Variants in MYO5C observed in about 807,000 individuals in gnomAD.
MYO5C encodes unconventional myosin-Vc.
MYO5C carries 194 observed loss-of-function variants against 235.7 expected under a neutral mutation model. That is an observed-to-expected ratio of 0.82 (90% confidence interval 0.73 to 0.93). The LOEUF (loss-of-function observed/expected upper bound fraction) is 0.93. Ranked by LOEUF, MYO5C falls within the 40% of genes least tolerant of loss-of-function variation. The probability of loss-of-function intolerance (pLI) is 0.00; values close to 1 mark genes in which losing one functional copy is unlikely to be tolerated. For synonymous variants in MYO5C, 707 were observed against 754.8 expected (o/e 0.94, Z 1.04); for missense variants, 2,038 against 2,127.2 (o/e 0.96, Z 0.82).
chr15:52,224,895 T>C lies in MYO5C; in HGVS notation c.3446+6A>G, dbSNP rs761092903. On this transcript the variant is annotated splice_donor_region_variant and intron_variant, in intron 28 of 40. Coordinates refer to ENST00000261839, the MANE Select transcript of MYO5C (RefSeq NM_018728.4). ...ATAAAGAAGATCCCTGAGGAGAATTTCTAACCGTGTTGCTTTCTTTAGTCC... is the reference window on the plus strand; with the variant it reads ...ATAAAGAAGATCCCTGAGGAGAATTCCTAACCGTGTTGCTTTCTTTAGTCC... 1.2e-6 allele frequency: 2 copies of C among 1,609,832 alleles called. No homozygotes were observed. Among genetic ancestry groups the C allele is most frequent in the Admixed American group, 3.4e-5 (2 of 59,350 alleles).
intron 38 of MYO5C, among the ~76,000 whole-genome samples, chr15:52,202,509 A>T (rs953458040): frequency 2.0e-5 from 3 of 152,092 alleles, no homozygotes; most frequent in Non-Finnish European, 4.4e-5. Context: ...CTCCCTCATG[A>T]TCCTTTTCAT....
Position 52,256,682 on chromosome 15 carries a change from C to T in MYO5C, c.1352G>A (p.Cys451Tyr). Residue 451 changes from cysteine to tyrosine, a missense_variant, in exon 11 of 41, where the codon TGC (cysteine) becomes TAC (tyrosine). Cys to Tyr is a radical substitution (Grantham distance 194, BLOSUM62 -2). Transcript: ENST00000261839. ...TFDVNSFEQF[C>Y]INYANEKLQQ... is the part of the protein sequence containing the mutation. ...CAGTTTTTCATTAGCGTAATTGATGCAAAATTGTTCAAAGCTGTTCACATC... is the reference window on the plus strand; with the variant it reads ...CAGTTTTTCATTAGCGTAATTGATGTAAAATTGTTCAAAGCTGTTCACATC... 1 of 1,611,420 alleles carries T rather than the reference C, an allele frequency of 6.2e-7. No individual in the cohort carries two copies. Among genetic ancestry groups the T allele is most frequent in the Admixed American group, 1.7e-5 (1 of 59,850 alleles).
At chr15:52,221,507 T>C (rs867120837) in intron 29 of MYO5C, among the ~76,000 whole-genome samples, 19 of 152,144 alleles carry the variant, frequency 1.2e-4, no homozygotes, top group African/African-American at 4.3e-4. Flanking sequence ...GATGTGTACA[T>C]GTATAGAAAT....
chr15:52,261,255 G>A (rs1163736392), intron 9 of MYO5C, 128 bp from the exon 10 acceptor site: 8 of 1,142,292 alleles, frequency 7.0e-6, no homozygotes, highest in African/African-American at 4.7e-5. Flanking sequence ...GCACAAGGAC[G>A]CCCAGCCTCA....
chr15:52,292,157 T>C lies in MYO5C; in HGVS notation c.27+3453A>G, dbSNP rs117652600. On this transcript the variant is annotated intron_variant, in intron 1 of 40. Coordinates refer to ENST00000261839, the MANE Select transcript of MYO5C (RefSeq NM_018728.4). ...GTACTTTTAATGGCTTCATGCTGTT[T>C]TACCATGTGAATCTTCCATAATTTA... Among the ~76,000 whole-genome samples, 55 of 152,340 alleles carry C rather than the reference T, an allele frequency of 3.6e-4. No homozygotes were observed. The East Asian group carries it at 0.01, about 28-fold the overall frequency.
At position 52,271,748 on chromosome 15, in the gene MYO5C, C is replaced by A; in HGVS notation, c.832+15G>T. 6.8e-7 allele frequency: 1 copy of A among 1,466,694 alleles called. No homozygotes were observed. The highest frequency in any genetic ancestry group is 9.3e-7 in the Non-Finnish European group (1 of 1,080,312). The allele number at this position is 1,466,694 out of a possible 1,614,324, so 90.9% of individuals were successfully genotyped here. A position where few individuals can be genotyped will look rare whatever the true frequency, so the allele number is the denominator to read the frequency against. The stretch of plus-strand genomic sequence containing the variant: ...CATAAAAGAGAGACCCTTTCATACA[C>A]GATCCATCACATACCCAATTTAAGA... On this transcript the variant is annotated intron_variant, in intron 7 of 40. Coordinates refer to ENST00000261839, the MANE Select transcript of MYO5C (RefSeq NM_018728.4).
intron 8 of MYO5C, among the ~76,000 whole-genome samples, chr15:52,267,141 G>T (rs1036855492): frequency 6.6e-6 from 1 of 152,242 alleles, no homozygotes; most frequent in African/African-American, 2.4e-5. Context: ...AACCTAAGTT[G>T]TGTGAAACAT....
chr15:52,250,042 C>G (rs577349795), intron 13 of MYO5C, among the ~76,000 whole-genome samples: 11 of 152,096 alleles, frequency 7.2e-5, no homozygotes, highest in African/African-American at 2.7e-4. Context: ...AAAGAGAGAC[C>G]CTTGAAAGAA....
At chr15:52,275,506 C>T in intron 5 of MYO5C, 56 bp downstream of exon 5, 1 of 1,606,108 alleles carries the variant, frequency 6.2e-7, no homozygotes, top group East Asian at 2.2e-5. Flanking sequence ...GCACACAAAC[C>T]AACCAACCCC....
chr15:52,294,780 G>C (rs143797905), intron 1 of MYO5C, among the ~76,000 whole-genome samples: 2 of 152,268 alleles, frequency 1.3e-5, no homozygotes, highest in East Asian at 3.9e-4. Context: ...ACATATGTGG[G>C]AACGCTGCCC....
Position 52,232,997 on chromosome 15 carries a change from AGGCCGGGCGCGGTGGCTCACGCCTGT to A in MYO5C, c.2963-338_2963-313del, listed in dbSNP as rs2035999844. On this transcript the variant is annotated intron_variant, in intron 23 of 40. Transcript: ENST00000261839. ...AATGAATATTATTAAAAATAAATAG[AGGCCGGGCGCGGTGGCTCACGCCTGT>A]AATCCCAGCACTTTGGGAGGCCGAG... Among the ~76,000 whole-genome samples, 3 of 58,916 alleles carry A rather than the reference AGGCCGGGCGCGGTGGCTCACGCCTGT, an allele frequency of 5.1e-5. 1 individual carries two copies. The highest frequency in any genetic ancestry group is 2.5e-4 in the Non-Finnish European group (3 of 11,932). The allele number at this position is 58,916 out of a possible 152,430, so 38.7% of individuals were successfully genotyped here.
At chr15:52,268,314 C>G (rs562352015) in intron 8 of MYO5C, among the ~76,000 whole-genome samples, 4 of 152,208 alleles carry the variant, frequency 2.6e-5, no homozygotes, top group South Asian at 2.1e-4. Context: ...CCTGTAATCC[C>G]AGCATTTTGG....
Position 52,232,650 on chromosome 15 carries a change from C to T in MYO5C, c.2998G>A (p.Asp1000Asn), listed in dbSNP as rs751253034. ...CTTTGCCGTTCTTCCTTTTGTACAT[C>T]ATCAAAGAGCTGCTTGGTGAGGTTG... ...MDNLTKQLFD[D>N]VQKEERQRML... The change falls in exon 24 of 41, where the codon GAT becomes AAT. Residue 1000 changes from aspartate to asparagine, a missense_variant. Transcript: ENST00000261839. 6.2e-7 allele frequency: 1 copy of T among 1,613,634 alleles called. No individual in the cohort carries two copies. Among genetic ancestry groups the T allele is most frequent in the South Asian group, 1.1e-5 (1 of 91,046 alleles).
chr15:52,246,587 T>A (rs2036350092), intron 16 of MYO5C, among the ~76,000 whole-genome samples: 1 of 152,200 alleles, frequency 6.6e-6, no homozygotes, highest in Admixed American at 6.5e-5. Context: ...CCTCATGCCA[T>A]CATGTCTGAG....
intron 10 of MYO5C, among the ~76,000 whole-genome samples, chr15:52,257,839 G>C (rs1010282157): frequency 6.6e-6 from 1 of 152,214 alleles, no homozygotes; most frequent in Admixed American, 6.5e-5. Flanking sequence ...TCCTATCACA[G>C]GTCCCCTGGG....
chr15:52,281,116 G>A (rs896682715), intron 2 of MYO5C, among the ~76,000 whole-genome samples: 1 of 152,164 alleles, frequency 6.6e-6, no homozygotes, highest in South Asian at 2.1e-4. Context: ...CTGTTTTTCT[G>A]TTGTAAATCC....
intron 8 of MYO5C, among the ~76,000 whole-genome samples, chr15:52,266,366 A>G (rs577993792): frequency 6.6e-6 from 1 of 152,258 alleles, no homozygotes; most frequent in South Asian, 2.1e-4. Context: ...CAACACTCAA[A>G]TGGCAGGGGT....
rs772180103 is a variant in MYO5C, at chr15:52,261,141, C to G, written c.1048-14G>C. The G allele has an allele frequency of 2.5e-6, 4 of 1,611,764 alleles. No homozygotes were observed. The highest frequency in any genetic ancestry group is 1.7e-5 in the Admixed American group (1 of 59,938). ...ACTGTCATCCTCCTTCAAAAACAAG[C>G]ACAAGCCCCGTCAGGTGGCCCAGCC... is the stretch of plus-strand genomic sequence containing the variant. On this transcript the variant is annotated splice_polypyrimidine_tract_variant and intron_variant, in intron 9 of 40. Coordinates refer to ENST00000261839, the MANE Select transcript of MYO5C (RefSeq NM_018728.4).
intron 32 of MYO5C, among the ~76,000 whole-genome samples, chr15:52,217,184 C>T (rs755353376): frequency 6.6e-5 from 10 of 152,188 alleles, no homozygotes; most frequent in Non-Finnish European, 1.2e-4. Context: ...TGTTGTGTGT[C>T]CGTCTGCTTC....
Sources: gnomAD v4.1 joint callset for allele counts (sites outside exome capture counted in the v4.1 genomes callset) on GRCh38, gnomAD v4.1.1 for gene constraint, MANE v1.5 for transcripts, NCBI Gene and HGNC (gene_info 2026-07-23, HGNC 2026-07-21) for gene names.